Variants in SRFBP1 observed in about 807,000 individuals in gnomAD.
SRFBP1 encodes the protein serum response factor-binding protein 1.
Under a neutral mutation model 45.5 loss-of-function variants are expected in SRFBP1, and 47 were observed. The ratio of observed to expected loss-of-function variants is 1.03; its 90% CI spans 0.82 to 1.32. SRFBP1 has a LOEUF of 1.32. Ranked by LOEUF, SRFBP1 falls within the 40% of genes most tolerant of loss-of-function variation. SRFBP1 has a pLI of 0.00. For synonymous variants in SRFBP1, 203 were observed against 166.3 expected (o/e 1.22, Z -1.70); for missense variants, 621 against 484.6 (o/e 1.28, Z -2.64).
chr5:122,007,458 G>A (rs11954930), intron 4 of SRFBP1, among the ~76,000 whole-genome samples: 5,285 of 152,054 alleles, frequency 0.035, 390 homozygotes, highest in African/African-American at 0.12. Flanking sequence ...GTGCTGACAT[G>A]GTGTCTGGAG....
chr5:122,008,325 A>G (rs1209338756), intron 4 of SRFBP1, among the ~76,000 whole-genome samples: 5 of 151,912 alleles, frequency 3.3e-5, no homozygotes, highest in Admixed American at 2.0e-4. Flanking sequence ...TCAACCTAGC[A>G]CTAGGGTGGG....
intron 4 of SRFBP1, among the ~76,000 whole-genome samples, chr5:122,008,405 A>C (rs1753021822): frequency 6.6e-6 from 1 of 152,000 alleles, no homozygotes; most frequent in East Asian, 1.9e-4. Context: ...TGCTGGTTTT[A>C]CTGGAGTAGG....
chr5:122,021,255 G>A (rs1433574827), intron 6 of SRFBP1, among the ~76,000 whole-genome samples: 1 of 152,088 alleles, frequency 6.6e-6, no homozygotes, highest in South Asian at 2.1e-4. Flanking sequence ...CTTAAACTGA[G>A]TTTCTCCATA....
chr5:122,014,866 C>CCAGTT (rs1281609365), intron 4 of SRFBP1, among the ~76,000 whole-genome samples: 1 of 152,018 alleles, frequency 6.6e-6, no homozygotes, highest in African/African-American at 2.4e-5. Flanking sequence ...AAAGAAATAC[C>CCAGTT]CAGTTCAGCA....
At chr5:122,066,792 A>C (rs771344744) in intron 2 of SRFBP1, 1 of 1,249,696 alleles carries the variant, frequency 8.0e-7, no homozygotes, top group African/African-American at 1.5e-5. Context: ...TAACCTGATA[A>C]TATAATGAAT....
chr5:122,006,153 T>G (rs1028952668), intron 4 of SRFBP1, among the ~76,000 whole-genome samples: 2 of 152,054 alleles, frequency 1.3e-5, no homozygotes, highest in African/African-American at 4.8e-5. Context: ...GAAAGACAAC[T>G]TTGCCAAGTA....
Position 122,020,745 on chromosome 5 carries a change from C to G in SRFBP1, c.1010C>G (p.Thr337Ser), listed in dbSNP as rs1057285717. The change falls in exon 6 of 8, where the codon ACC becomes AGC. Residue 337 changes from threonine to serine, a missense_variant. By Grantham distance (58) the Thr-to-Ser change is moderately conservative (BLOSUM62 1). Transcript: ENST00000339397. ...RNDKIKPSTE[T>S]RKLESVFFHS... ...GACAAAATCAAGCCAAGTACAGAAA[C>G]CAGAAAGTTAGAATCAGTGTTTTTC... 6 of 1,605,008 alleles carry G rather than the reference C, an allele frequency of 3.7e-6. No individual in the cohort carries two copies. Among genetic ancestry groups the G allele is most frequent in the Non-Finnish European group, 5.1e-6 (6 of 1,177,636 alleles).
At chr5:121,963,753 AC>A (rs1752001067) in intron 1 of SRFBP1, among the ~76,000 whole-genome samples, 5 of 152,154 alleles carry the variant, frequency 3.3e-5, no homozygotes, top group Admixed American at 3.3e-4. Flanking sequence ...GAAAGCAGGA[AC>A]TACACACATC....
intron 4 of SRFBP1, 144 bp from the exon 5 acceptor site, chr5:122,019,116 C>G: frequency 1.5e-6 from 1 of 679,486 alleles, no homozygotes; most frequent in Non-Finnish European, 2.5e-6. Flanking sequence ...ATTGATTATA[C>G]AGATATCTTA....
intron 2 of SRFBP1, among the ~76,000 whole-genome samples, chr5:122,045,047 G>A (rs542572580): frequency 1.3e-5 from 2 of 152,222 alleles, no homozygotes; most frequent in South Asian, 4.2e-4. Flanking sequence ...CTGGTGTAAG[G>A]TAGGGGTCCA....
intron 3 of SRFBP1, among the ~76,000 whole-genome samples, chr5:121,983,005 G>A (rs1479787515): frequency 6.6e-6 from 1 of 151,620 alleles, no homozygotes; most frequent in Non-Finnish European, 1.5e-5. Context: ...CATAATTCCA[G>A]TCTGAAATAA....
At chr5:122,075,228 G>C in intron 2 of SRFBP1, 1 of 537,576 alleles carries the variant, frequency 1.9e-6, no homozygotes, top group Non-Finnish European at 3.1e-6. Context: ...CATTTCAAAA[G>C]ATAACAGGAT....
At chr5:122,012,445 G>T (rs1042658954) in intron 4 of SRFBP1, among the ~76,000 whole-genome samples, 4 of 151,980 alleles carry the variant, frequency 2.6e-5, no homozygotes, top group African/African-American at 9.7e-5. Flanking sequence ...GGTCTTTTAA[G>T]AATGGAAAAC....
downstream of SRFBP1, among the ~76,000 whole-genome samples, chr5:122,031,460 G>A (rs1445905411): frequency 3.3e-5 from 5 of 152,114 alleles, no homozygotes; most frequent in African/African-American, 4.8e-5. Flanking sequence ...CATTGAAAAC[G>A]CTATTTTAAA....
chr5:122,034,178 T>C (rs938656453), intron 2 of SRFBP1, among the ~76,000 whole-genome samples: 8 of 152,198 alleles, frequency 5.3e-5, no homozygotes, highest in African/African-American at 1.9e-4. Context: ...ATAGAGCATA[T>C]AGTTGGTTCT....
At chr5:122,077,324 G>C (rs754642286), downstream of SRFBP1, 6 of 1,612,904 alleles carry the variant, frequency 3.7e-6, no homozygotes, top group East Asian at 2.2e-5. The surrounding 1 kb of genome is among the most constrained non-coding windows in gnomAD (Gnocchi z 4.9). Flanking sequence ...CCAGGTGCAC[G>C]GGTGCTTCCA....
At chr5:122,018,348 A>G (rs928530979) in intron 4 of SRFBP1, among the ~76,000 whole-genome samples, 3 of 152,222 alleles carry the variant, frequency 2.0e-5, no homozygotes, top group Admixed American at 6.5e-5. Context: ...TGATTTAGTC[A>G]AAGGTAGTAA....
At chr5:122,074,988 G>C (rs532417138) in intron 2 of SRFBP1, among the ~76,000 whole-genome samples, 6 of 152,364 alleles carry the variant, frequency 3.9e-5, no homozygotes, top group African/African-American at 1.2e-4. Context: ...AGGTCCTTCT[G>C]AGCTGATGGG....
intron 2 of SRFBP1, chr5:122,075,303 T>G: frequency 9.2e-7 from 1 of 1,086,364 alleles, no homozygotes; most frequent in Non-Finnish European, 1.3e-6. Flanking sequence ...AATAGCAATT[T>G]TCTCCCTTCA....
Sources: gnomAD v4.1 joint callset for allele counts (sites outside exome capture counted in the v4.1 genomes callset) on GRCh38, gnomAD v4.1.1 for gene constraint, Gnocchi (gnomAD v3.1) non-coding constraint, MANE v1.5 for transcripts, NCBI Gene and HGNC (gene_info 2026-07-23, HGNC 2026-07-21) for gene names.